The following ITSN1 variants were observed in gnomAD, a reference collection of about 807,000 sequenced individuals.
ITSN1 encodes intersectin-1.
ITSN1 carries 58 observed loss-of-function variants against 239.8 expected under a neutral mutation model. The ratio of observed to expected loss-of-function variants is 0.24; its 90% CI spans 0.20 to 0.30. ITSN1 has a LOEUF of 0.30. Among genes scored for constraint, ITSN1 ranks in the 10% least tolerant of loss-of-function variants. The probability of loss-of-function intolerance (pLI) is 1.00; values close to 1 mark genes in which losing one functional copy is unlikely to be tolerated. For synonymous variants in ITSN1, 780 were observed against 770.8 expected, an observed-to-expected ratio of 1.01 and a Z score of -0.20; for missense variants, 1,558 against 2,103.3, an observed-to-expected ratio of 0.74 and a Z score of 5.07.
At chr21:33,684,779 C>T (rs553085862) in intron 1 of ITSN1, among the ~76,000 whole-genome samples, 21 of 152,162 alleles carry the variant, frequency 1.4e-4, no homozygotes, top group East Asian at 9.7e-4. Context: ...TCAGCTTCTT[C>T]CACTTGTGTG....
At chr21:33,652,092 C>T (rs1373640292) in intron 1 of ITSN1, among the ~76,000 whole-genome samples, 1 of 151,246 alleles carries the variant, frequency 6.6e-6, no homozygotes, top group Non-Finnish European at 1.5e-5. Context: ...ACTGTTAATA[C>T]CCTGTGAAGG....
In ITSN1 at chr21:33,718,874, T is replaced by A; in HGVS notation, c.28+18T>A. Reference sequence around the variant, plus strand: ...TTTTGGTGGTAAGTTTTCAGAAATTTCTCTTTTTAATGTACTTTGGGACCA... The same window carrying A: ...TTTTGGTGGTAAGTTTTCAGAAATTACTCTTTTTAATGTACTTTGGGACCA... On this transcript the variant is annotated intron_variant, in intron 2 of 39. Transcript: ENST00000381318. The A allele has an allele frequency of 3.7e-6, 6 of 1,609,060 alleles. No individual in the cohort carries two copies. The highest frequency in any genetic ancestry group is 5.1e-6 in the Non-Finnish European group (6 of 1,176,060).
At chr21:33,686,368 C>T (rs950045461) in intron 1 of ITSN1, among the ~76,000 whole-genome samples, 2 of 151,634 alleles carry the variant, frequency 1.3e-5, no homozygotes, top group Non-Finnish European at 2.9e-5. Context: ...TGCTTTTTCT[C>T]TTTTCCTGGT....
At chr21:33,761,116 C>T (rs2068287735) in intron 8 of ITSN1, among the ~76,000 whole-genome samples, 1 of 151,220 alleles carries the variant, frequency 6.6e-6, no homozygotes, top group Non-Finnish European at 1.5e-5. Context: ...CACTCTGTTG[C>T]CCAGGATGGA....
intron 5 of ITSN1, among the ~76,000 whole-genome samples, chr21:33,741,414 A>G (rs141621981): frequency 1.7e-3 from 254 of 152,298 alleles, no homozygotes; most frequent in African/African-American, 5.8e-3. Flanking sequence ...ACATGTTGCT[A>G]TGTGTGGATA....
At position 33,883,531 on chromosome 21, in the gene ITSN1, C is replaced by G. The variant is rs1173126527; in HGVS notation, c.4555-19C>G. ...AGACCCCCAGCCTCGCTTTGTAATGCCTGTGTGTTACTTTCCAGCCTATTT... is the reference window on the plus strand; with the variant it reads ...AGACCCCCAGCCTCGCTTTGTAATGGCTGTGTGTTACTTTCCAGCCTATTT... On this transcript the variant is annotated intron_variant, in intron 35 of 39. Transcript: ENST00000381318. 9.3e-6 allele frequency: 15 copies of G among 1,612,052 alleles called. No individual in the cohort carries two copies. The highest frequency in any genetic ancestry group is 1.3e-5 in the Non-Finnish European group (15 of 1,178,676).
At chr21:33,762,859 T>A (rs2068449188) in intron 9 of ITSN1, among the ~76,000 whole-genome samples, 1 of 152,062 alleles carries the variant, frequency 6.6e-6, no homozygotes, top group Non-Finnish European at 1.5e-5. Flanking sequence ...AGACAGGGTG[T>A]TGCCATGTTG....
At chr21:33,737,225 A>T (rs2066556707) in intron 5 of ITSN1, among the ~76,000 whole-genome samples, 1 of 152,142 alleles carries the variant, frequency 6.6e-6, no homozygotes, top group African/African-American at 2.4e-5. Flanking sequence ...GGAGGTTGTG[A>T]CCTTACTGCT....
intron 16 of ITSN1, among the ~76,000 whole-genome samples, chr21:33,782,496 T>A (rs1282961209): frequency 6.6e-6 from 1 of 152,224 alleles, no homozygotes; most frequent in East Asian, 1.9e-4. Flanking sequence ...TGCCACTTCT[T>A]ATCTTCATTG....
intron 20 of ITSN1, among the ~76,000 whole-genome samples, chr21:33,806,275 G>T (rs1409318753): frequency 7.2e-5 from 11 of 152,028 alleles, no homozygotes; most frequent in African/African-American, 2.4e-4. Flanking sequence ...TTCAAAACCG[G>T]CAAATCCATG....
At chr21:33,681,931 G>T (rs2090985459) in intron 1 of ITSN1, among the ~76,000 whole-genome samples, 1 of 151,888 alleles carries the variant, frequency 6.6e-6, no homozygotes. Flanking sequence ...GCCTCCCAAA[G>T]TGCTGGGATT....
At chr21:33,727,737 CCCAAA>C (rs1256639676) in intron 4 of ITSN1, among the ~76,000 whole-genome samples, 1 of 152,018 alleles carries the variant, frequency 6.6e-6, no homozygotes, top group Non-Finnish European at 1.5e-5. Context: ...TACCTGGCTG[CCCAAA>C]CCAACACCTG....
At chr21:33,796,682 A>G (rs1312496467) in intron 17 of ITSN1, among the ~76,000 whole-genome samples, 1 of 152,204 alleles carries the variant, frequency 6.6e-6, no homozygotes, top group Non-Finnish European at 1.5e-5. Context: ...TAGGAGTAAT[A>G]CTAGGACTAC....
intron 14 of ITSN1, among the ~76,000 whole-genome samples, chr21:33,779,192 T>C (rs1220244142): frequency 6.6e-6 from 1 of 152,058 alleles, no homozygotes; most frequent in East Asian, 1.9e-4. Context: ...TTGTTCTTTT[T>C]CTCTTGTTTC....
At chr21:33,766,074 T>A in intron 10 of ITSN1, 62 bp downstream of exon 10, 1 of 1,563,664 alleles carries the variant, frequency 6.4e-7, no homozygotes, top group Non-Finnish European at 8.8e-7. Context: ...AAACTTGGCT[T>A]TATTGACTAT....
At chr21:33,678,745 G>A (rs552889241) in intron 1 of ITSN1, among the ~76,000 whole-genome samples, 23 of 152,244 alleles carry the variant, frequency 1.5e-4, no homozygotes, top group Middle Eastern at 6.8e-3. Context: ...TCCGAGTCTC[G>A]CTTTGTCATC....
In ITSN1 at chr21:33,810,982, A is replaced by G; in HGVS notation, c.2327A>G (p.Glu776Gly). 1 of 1,614,216 alleles carries G rather than the reference A, an allele frequency of 6.2e-7. No homozygotes were observed. The highest frequency in any genetic ancestry group is 8.5e-7 in the Non-Finnish European group (1 of 1,180,036). ...CTGTGACTTTTTCCACAGGTGGATG[A>G]AAGCCAAACTGGAGAACCCGGCTGG... ...IVMVKGEWVD[E>G]SQTGEPGWLG... Residue 776 changes from glutamate (E) to glycine (G), a missense_variant, in exon 21 of 40, where the codon GAA becomes GGA. Transcript: ENST00000381318.
chr21:33,719,986 C>T (rs936174440), intron 2 of ITSN1, among the ~76,000 whole-genome samples: 5 of 152,090 alleles, frequency 3.3e-5, no homozygotes, highest in African/African-American at 9.7e-5. Context: ...TAAAAGTCTC[C>T]GTGGGATTCT....
chr21:33,770,935 T>A (rs568927704), intron 11 of ITSN1, among the ~76,000 whole-genome samples: 1 of 152,164 alleles, frequency 6.6e-6, no homozygotes, highest in East Asian at 1.9e-4. Flanking sequence ...GGCTAATTTT[T>A]TTGTATTTTT....
Sources: allele counts gnomAD v4.1 joint callset (sites outside exome capture counted in the v4.1 genomes callset), GRCh38; gene constraint gnomAD v4.1.1; transcripts MANE v1.5; gene names NCBI Gene and HGNC (gene_info 2026-07-23, HGNC 2026-07-21).